MEIKIN: variants seen among roughly 807,000 people sequenced by gnomAD.
MEIKIN encodes meiotic kinetochore factor, also known as meiosis-specific kinetochore protein.
chr5:131,901,105 G>A (rs1486540257), intron 8 of MEIKIN, among the ~76,000 whole-genome samples: 1 of 152,042 alleles, frequency 6.6e-6, no homozygotes, highest in African/African-American at 2.4e-5. Flanking sequence ...TGCCACTGGC[G>A]TGAAACTGCA....
chr5:131,828,923 G>C (rs1289508444), intron 11 of MEIKIN, among the ~76,000 whole-genome samples: 2 of 152,046 alleles, frequency 1.3e-5, no homozygotes, highest in African/African-American at 4.8e-5. Context: ...AAATAATACT[G>C]AAATTATAAC....
chr5:131,922,074 A>G (rs1370435026), intron 5 of MEIKIN, 133 bp from the exon 6 acceptor site: 2 of 392,508 alleles, frequency 5.1e-6, no homozygotes, highest in African/African-American at 2.1e-5. Context: ...TGGATGAGAC[A>G]GAAAAAAATA....
intron 8 of MEIKIN, among the ~76,000 whole-genome samples, chr5:131,889,251 G>A (rs1247684767): frequency 6.6e-6 from 1 of 152,168 alleles, no homozygotes; most frequent in East Asian, 1.9e-4. Flanking sequence ...TGTGAAGAAA[G>A]TCATTGGTAG....
intron 3 of MEIKIN, among the ~76,000 whole-genome samples, chr5:131,943,145 CT>C (rs1440727561): frequency 1.3e-5 from 2 of 152,084 alleles, no homozygotes; most frequent in Non-Finnish European, 2.9e-5. Flanking sequence ...GTATAGCTAT[CT>C]TTAATATTTA....
At chr5:131,854,646 A>C (rs546365752) in intron 10 of MEIKIN, 108 bp downstream of exon 10, 7 of 392,564 alleles carry the variant, frequency 1.8e-5, no homozygotes, top group African/African-American at 8.2e-5. Flanking sequence ...AGAAAAACAC[A>C]GATATTATTC....
At chr5:131,907,867 G>A (rs555211455) in intron 8 of MEIKIN, among the ~76,000 whole-genome samples, 103 of 151,942 alleles carry the variant, frequency 6.8e-4, no homozygotes, top group African/African-American at 2.2e-3. Flanking sequence ...GTGAGACTCC[G>A]TCTCAAAATA....
chr5:131,896,075 G>A (rs573419515), intron 8 of MEIKIN, among the ~76,000 whole-genome samples: 19 of 152,222 alleles, frequency 1.2e-4, no homozygotes, highest in Non-Finnish European at 1.8e-4. Context: ...CAGAGATTCT[G>A]GTACATTGTG....
intron 11 of MEIKIN, among the ~76,000 whole-genome samples, chr5:131,829,118 A>G (rs1749667754): frequency 6.6e-6 from 1 of 152,230 alleles, no homozygotes. Flanking sequence ...ATAGTTGATC[A>G]TTATAAAGGA....
intron 12 of MEIKIN, among the ~76,000 whole-genome samples, chr5:131,818,178 G>T (rs538676366): frequency 6.6e-6 from 1 of 152,272 alleles, no homozygotes; most frequent in African/African-American, 2.4e-5. Context: ...TCTTAGCACA[G>T]TGCCTTTCAC....
At chr5:131,841,465 C>A (rs901371888) in intron 11 of MEIKIN, among the ~76,000 whole-genome samples, 2 of 152,148 alleles carry the variant, frequency 1.3e-5, no homozygotes, top group African/African-American at 4.8e-5. Flanking sequence ...TATACCAGTA[C>A]CATACTGTTA....
intron 8 of MEIKIN, among the ~76,000 whole-genome samples, chr5:131,882,805 A>G (rs778151189): frequency 2.0e-5 from 3 of 151,974 alleles, no homozygotes; most frequent in Non-Finnish European, 4.4e-5. Context: ...CTCTCCCTCA[A>G]ACATGCCAAG....
intron 9 of MEIKIN, among the ~76,000 whole-genome samples, chr5:131,877,536 G>T (rs953304354): frequency 2.0e-5 from 3 of 152,034 alleles, no homozygotes; most frequent in African/African-American, 4.8e-5. Flanking sequence ...CCAGCTACTA[G>T]GTAGGCTGAG....
intron 11 of MEIKIN, among the ~76,000 whole-genome samples, chr5:131,819,591 A>T (rs1316808765): frequency 7.5e-6 from 1 of 132,532 alleles, no homozygotes; most frequent in Non-Finnish European, 1.6e-5. Flanking sequence ...GTCTATATAG[A>T]AACTTCCTTT....
At chr5:131,933,036 G>T (rs1249855800) in intron 5 of MEIKIN, among the ~76,000 whole-genome samples, 1 of 152,036 alleles carries the variant, frequency 6.6e-6, no homozygotes, top group Non-Finnish European at 1.5e-5. Context: ...TTCTGCCATT[G>T]CAAGATTGTA....
intron 11 of MEIKIN, among the ~76,000 whole-genome samples, chr5:131,825,063 G>T (rs74592325): frequency 0.026 from 4,018 of 152,076 alleles, 187 homozygotes; most frequent in African/African-American, 0.091. Flanking sequence ...AGCTGGGCAT[G>T]GTGGCATGCA....
intron 7 of MEIKIN, among the ~76,000 whole-genome samples, chr5:131,916,464 T>A (rs1751417158): frequency 6.6e-6 from 1 of 152,238 alleles, no homozygotes; most frequent in Non-Finnish European, 1.5e-5. Flanking sequence ...CAATTTGTTG[T>A]TGGACATCTC....
chr5:131,811,548 C>T (rs894995166), intron 12 of MEIKIN, among the ~76,000 whole-genome samples: 1 of 151,858 alleles, frequency 6.6e-6, no homozygotes, highest in African/African-American at 2.4e-5. Context: ...CTCAGGTAAT[C>T]CGCCCACCTC....
chr5:131,894,006 T>A (rs1450964140), intron 8 of MEIKIN, among the ~76,000 whole-genome samples: 5 of 152,224 alleles, frequency 3.3e-5, no homozygotes, highest in Non-Finnish European at 5.9e-5. Context: ...TGCCTAGGTT[T>A]TCTTCTAAGG....
chr5:131,903,962 A>C (rs1751202506), intron 8 of MEIKIN, among the ~76,000 whole-genome samples: 1 of 151,980 alleles, frequency 6.6e-6, no homozygotes, highest in Non-Finnish European at 1.5e-5. Flanking sequence ...AAGCCAATTA[A>C]AAAAAAACAA....
Sources: gnomAD v4.1 joint callset for allele counts (sites outside exome capture counted in the v4.1 genomes callset) on GRCh38, gnomAD v4.1.1 for gene constraint, MANE v1.5 for transcripts, NCBI Gene and HGNC (gene_info 2026-07-23, HGNC 2026-07-21) for gene names.